Variants in ZNF808 observed in about 807,000 individuals in gnomAD.
ZNF808 encodes zinc finger protein 808.
A neutral mutation model predicts 8.7 loss-of-function variants in ZNF808; 5 were observed. That is an observed-to-expected ratio of 0.58 (90% CI 0.30 to 1.21). The LOEUF (loss-of-function observed/expected upper bound fraction) is 1.21, where lower values mean the gene tolerates loss of function less well. ZNF808 is among the 50% of genes most tolerant of loss of function. The pLI, the probability that ZNF808 is intolerant of heterozygous loss-of-function variation, is 0.07. For synonymous variants in ZNF808, 380 were observed against 366.0 expected (o/e 1.04, Z -0.44); for missense variants, 1,103 against 1,098.4 (o/e 1.00, Z -0.06).
chr19:52,561,031 T>C (rs149136963), downstream of ZNF808, among the ~76,000 whole-genome samples: 1,724 of 152,040 alleles, frequency 0.011, 24 homozygotes, highest in African/African-American at 0.039. Flanking sequence ...CTTAAATCAG[T>C]GTGTGCAGGG....
chr19:52,542,785 G>C (rs1268351022), intron 2 of ZNF808, among the ~76,000 whole-genome samples: 1 of 151,976 alleles, frequency 6.6e-6, no homozygotes, highest in Admixed American at 6.6e-5. Flanking sequence ...AGAGAAATGA[G>C]GCACAAGTAG....
intron 2 of ZNF808, among the ~76,000 whole-genome samples, chr19:52,541,294 G>A (rs1180208541): frequency 6.7e-6 from 1 of 149,826 alleles, no homozygotes; most frequent in Non-Finnish European, 1.5e-5. Flanking sequence ...TTTTCATGGT[G>A]TGACATAGAG....
chr19:52,568,553 A>G (rs2059878823), downstream of ZNF808, among the ~76,000 whole-genome samples: 3 of 152,116 alleles, frequency 2.0e-5, no homozygotes, highest in South Asian at 6.2e-4. Flanking sequence ...TCACTCCATC[A>G]CCAGTCAAGC....
intron 2 of ZNF808, among the ~76,000 whole-genome samples, chr19:52,541,283 T>C (rs183192758): frequency 2.0e-5 from 3 of 151,796 alleles, no homozygotes; most frequent in Admixed American, 2.0e-4. Flanking sequence ...TTAAATAAAA[T>C]TTTTCATGGT....
chr19:52,542,371 G>T (rs1030351448), intron 2 of ZNF808, among the ~76,000 whole-genome samples: 1 of 152,088 alleles, frequency 6.6e-6, no homozygotes, highest in Non-Finnish European at 1.5e-5. Context: ...CCAGCCCCAC[G>T]GGTCGCTTTC....
At chr19:52,552,703 GTT>G (rs33948596) in intron 4 of ZNF808, among the ~76,000 whole-genome samples, 2 of 141,130 alleles carry the variant, frequency 1.4e-5, no homozygotes, top group African/African-American at 5.2e-5. Context: ...ATGTTGTGTG[GTT>G]TTTTTTTTTT....
rs956403746 is a variant in ZNF808 at position 52,554,213 on chromosome 19, G to A, written c.1297G>A (p.Asp433Asn). The A allele has an allele frequency of 1.2e-6, 2 of 1,613,720 alleles. No individual in the cohort carries two copies. Among genetic ancestry groups the A allele is most frequent in the African/African-American group, 2.7e-5 (2 of 75,016 alleles). The change falls in exon 5 of 5, where the codon GAC (aspartate) becomes AAC (asparagine). Residue 433 changes from aspartate to asparagine, a missense_variant. Transcript: ENST00000359798. The stretch of plus-strand genomic sequence containing the variant: ...GAAACCTTACAAATGTGAAGAATGT[G>A]ACAAAGTTTTCAGTCAGAAATCAAC... Reference protein sequence around the residue: ...GEKPYKCEECDKVFSQKSTLE... With the variant: ...GEKPYKCEECNKVFSQKSTLE...
chr19:52,539,548 G>GTT lies in ZNF808; in HGVS notation c.-19-3694_-19-3693dup, dbSNP rs71180473. ...TAATTTACTTATTTTTGTTGTGGTG[G>GTT]TTTTTTTTTTTTTTTTTTTTTTTTT... On this transcript the variant is annotated intron_variant, in intron 2 of 4. Transcript: ENST00000359798. Among the ~76,000 whole-genome samples, 115 of 51,956 alleles carry GTT rather than the reference G, an allele frequency of 2.2e-3. 2 individuals carry two copies. Among genetic ancestry groups the GTT allele is most frequent in the African/African-American group, 3.6e-3 (36 of 9,920 alleles). 34.1% of individuals were successfully genotyped at this position (51,956 alleles called of 152,430 possible). A position where few individuals can be genotyped will look rare whatever the true frequency, so the allele number is the denominator to read the frequency against.
downstream of ZNF808, among the ~76,000 whole-genome samples, chr19:52,556,984 T>A (rs1273701760): frequency 6.6e-6 from 1 of 151,908 alleles, no homozygotes; most frequent in African/African-American, 2.4e-5. Flanking sequence ...GTTTGTTTGT[T>A]TTTTTTTAAA....
chr19:52,552,259 C>G (rs1409931070), intron 4 of ZNF808, among the ~76,000 whole-genome samples: 1 of 151,970 alleles, frequency 6.6e-6, no homozygotes, highest in East Asian at 1.9e-4. Context: ...CCTTGTGATC[C>G]ACCCTTCTCG....
chr19:52,551,167 C>T (rs190335040), intron 4 of ZNF808, among the ~76,000 whole-genome samples: 90 of 152,224 alleles, frequency 5.9e-4, no homozygotes, highest in African/African-American at 2.1e-3. Context: ...GCCTGGCCAA[C>T]GTGGTGAAAC....
At chr19:52,552,932 A>G (rs1386063326) in intron 4 of ZNF808, among the ~76,000 whole-genome samples, 175 bp from the exon 5 acceptor site, 2 of 152,128 alleles carry the variant, frequency 1.3e-5, no homozygotes, top group Non-Finnish European at 2.9e-5. Context: ...GATTTGAAGG[A>G]CATGTAATTG....
At chr19:52,562,400 G>A (rs1301256274) in intron 3 of ZNF808, among the ~76,000 whole-genome samples, 2 of 151,326 alleles carry the variant, frequency 1.3e-5, no homozygotes, top group Non-Finnish European at 2.9e-5. Context: ...AAGAAAGAAA[G>A]AAAAAATATA....
At chr19:52,547,092 T>A (rs1280753848) in intron 3 of ZNF808, among the ~76,000 whole-genome samples, 1 of 151,692 alleles carries the variant, frequency 6.6e-6, no homozygotes, top group Non-Finnish European at 1.5e-5. Context: ...GGATTACAGG[T>A]GCCTGCCACC....
chr19:52,568,307 G>A (rs1194141299), downstream of ZNF808, among the ~76,000 whole-genome samples: 1 of 152,222 alleles, frequency 6.6e-6, no homozygotes, highest in East Asian at 1.9e-4. Context: ...CCAGGACGTG[G>A]AGGTCGTAGT....
At chr19:52,568,140 G>C (rs1281705479), downstream of ZNF808, among the ~76,000 whole-genome samples, 1 of 152,194 alleles carries the variant, frequency 6.6e-6, no homozygotes, top group Non-Finnish European at 1.5e-5. Flanking sequence ...GGGAGGCTGA[G>C]GCGGGCGGAT....
At chr19:52,541,742 G>T (rs1368685216) in intron 2 of ZNF808, among the ~76,000 whole-genome samples, 1 of 151,054 alleles carries the variant, frequency 6.6e-6, no homozygotes, top group Admixed American at 6.6e-5. Context: ...AAATCACCTT[G>T]AACCTTATCA....
intron 1 of ZNF808, among the ~76,000 whole-genome samples, chr19:52,528,759 CAG>C (rs1344778126): frequency 1.3e-5 from 2 of 151,748 alleles, no homozygotes; most frequent in South Asian, 2.1e-4. Flanking sequence ...AGAGTGGGGA[CAG>C]GGGAGTATAT....
chr19:52,543,174 C>G, intron 2 of ZNF808, 92 bp from the exon 3 acceptor site: 1 of 1,363,184 alleles, frequency 7.3e-7, no homozygotes, highest in Non-Finnish European at 1.0e-6. Flanking sequence ...GGACTTCTTT[C>G]TACAGGGTGA....
Sources: gnomAD v4.1 joint callset for allele counts (sites outside exome capture counted in the v4.1 genomes callset) on GRCh38, gnomAD v4.1.1 for gene constraint, MANE v1.5 for transcripts, NCBI Gene and HGNC (gene_info 2026-07-23, HGNC 2026-07-21) for gene names.